The following HSD17B2 variants were observed in gnomAD, a reference collection of about 807,000 sequenced individuals.
HSD17B2 encodes the protein 17-beta-hydroxysteroid dehydrogenase type 2.
A neutral mutation model predicts 26.9 loss-of-function variants in HSD17B2; 32 were observed. The ratio of observed to expected loss-of-function variants is 1.19; its 90% CI spans 0.90 to 1.60. The LOEUF is 1.60. Ranked by LOEUF, HSD17B2 falls within the 40% of genes most tolerant of loss-of-function variation. HSD17B2 has a pLI of 0.00. For missense variants in HSD17B2, 613 were observed against 468.6 expected (o/e 1.31, Z -2.85); for synonymous variants, 246 against 186.7 (o/e 1.32, Z -2.59).
intron 3 of HSD17B2, among the ~76,000 whole-genome samples, chr16:82,079,603 T>TG (rs1030573958): frequency 6.6e-6 from 1 of 152,032 alleles, no homozygotes; most frequent in Non-Finnish European, 1.5e-5. Flanking sequence ...TTCTGGGTGG[T>TG]GGGGGGAGCA....
chr16:82,044,183 G>A (rs1432599156), intron 1 of HSD17B2, among the ~76,000 whole-genome samples: 1 of 152,152 alleles, frequency 6.6e-6, no homozygotes, highest in African/African-American at 2.4e-5. Context: ...CTTGGTATGA[G>A]CAACACAAAC....
intron 1 of HSD17B2, among the ~76,000 whole-genome samples, chr16:82,045,667 C>A (rs565115994): frequency 6.6e-6 from 1 of 152,346 alleles, no homozygotes; most frequent in South Asian, 2.1e-4. Flanking sequence ...TTCTTTTGCA[C>A]TCTGACTGTT....
chr16:82,082,331 T>C (rs900283455), intron 3 of HSD17B2, among the ~76,000 whole-genome samples: 5 of 152,110 alleles, frequency 3.3e-5, no homozygotes, highest in African/African-American at 1.2e-4. Flanking sequence ...AATGTACACA[T>C]TGCTTAAAAG....
At chr16:82,063,061 C>T (rs1220174427) in intron 1 of HSD17B2, 1 of 152,196 alleles carries the variant, frequency 6.6e-6, no homozygotes, top group Non-Finnish European at 1.5e-5. Flanking sequence ...CTGCCCATGC[C>T]AGTCTAGGAG....
intron 3 of HSD17B2, among the ~76,000 whole-genome samples, chr16:82,075,589 T>C (rs1382312627): frequency 1.3e-5 from 2 of 152,076 alleles, no homozygotes; most frequent in East Asian, 3.9e-4. Context: ...TATGAGTAAC[T>C]AAGTATATAC....
intron 1 of HSD17B2, 29 bp from the exon 2 acceptor site, chr16:82,068,141 T>A: frequency 1.1e-5 from 18 of 1,596,490 alleles, no homozygotes; most frequent in Non-Finnish European, 1.5e-5. Flanking sequence ...TGGTTTGACC[T>A]CACTCCCTAC....
intron 3 of HSD17B2, among the ~76,000 whole-genome samples, chr16:82,086,031 T>C (rs1191399096): frequency 6.6e-6 from 1 of 152,014 alleles, no homozygotes; most frequent in African/African-American, 2.4e-5. Context: ...CTGGTAGAAA[T>C]ATAAAATGGT....
chr16:82,062,518 G>C (rs542706561), intron 1 of HSD17B2, among the ~76,000 whole-genome samples: 1 of 152,294 alleles, frequency 6.6e-6, no homozygotes, highest in African/African-American at 2.4e-5. Flanking sequence ...TGGAGGATTT[G>C]AATATTTTAT....
At chr16:82,072,465 T>C (rs1914719364) in intron 3 of HSD17B2, among the ~76,000 whole-genome samples, 1 of 152,224 alleles carries the variant, frequency 6.6e-6, no homozygotes, top group Non-Finnish European at 1.5e-5. Flanking sequence ...CTGGTACTTC[T>C]GGGAACGTCT....
Position 82,098,306 on chromosome 16 carries a change from A to G in HSD17B2, c.1034A>G (p.Tyr345Cys). 2 of 1,614,190 alleles carry G rather than the reference A, an allele frequency of 1.2e-6. No homozygotes were observed. The highest frequency in any genetic ancestry group is 1.7e-6 in the Non-Finnish European group (2 of 1,180,018). Residue 345 changes from tyrosine to cysteine, a missense_variant, in exon 5 of 5, where the codon TAC (tyrosine) becomes TGC (cysteine). Tyr to Cys is a radical substitution (Grantham distance 194). Coordinates refer to ENST00000199936, the MANE Select transcript of HSD17B2 (RefSeq NM_002153.3). ...TATTACACGCCAGGGAAAGGCGCTT[A>G]CTTGTGGATCTGCCTTGCTCACTAT... Reference protein sequence around the residue: ...FAYYTPGKGAYLWICLAHYLP... With the variant: ...FAYYTPGKGACLWICLAHYLP...
chr16:82,054,214 A>G (rs1914196372), intron 1 of HSD17B2, among the ~76,000 whole-genome samples: 1 of 151,962 alleles, frequency 6.6e-6, no homozygotes, highest in African/African-American at 2.4e-5. Flanking sequence ...TATCGAAAAA[A>G]AAAAAAAAAG....
chr16:82,070,345 C>T (rs1408775741), intron 2 of HSD17B2, among the ~76,000 whole-genome samples: 1 of 152,202 alleles, frequency 6.6e-6, no homozygotes, highest in Non-Finnish European at 1.5e-5. Flanking sequence ...CTTCCTACCA[C>T]TGCATAGCAC....
intron 2 of HSD17B2, among the ~76,000 whole-genome samples, chr16:82,070,095 C>T (rs1284518836): frequency 2.0e-5 from 3 of 152,184 alleles, no homozygotes; most frequent in Non-Finnish European, 4.4e-5. Flanking sequence ...GACATCTTCC[C>T]TTATACTCCA....
At chr16:82,052,295 CTT>C (rs1914132041) in intron 1 of HSD17B2, 1 of 152,182 alleles carries the variant, frequency 6.6e-6, no homozygotes. Context: ...CCTCTTACCT[CTT>C]TTTCTGTTTT....
chr16:82,071,045 T>A lies in HSD17B2; in HGVS notation c.582T>A (p.Phe194Leu). Residue 194 changes from phenylalanine to leucine, a missense_variant, in exon 3 of 5, where the codon TTT becomes TTA. Coordinates refer to ENST00000199936, the MANE Select transcript of HSD17B2 (RefSeq NM_002153.3). ...AACAATGCATGGCCGTGAACTTCTT[T>A]GGAACTGTGGAGGTCACAAAGACGT... ...DYKQCMAVNFFGTVEVTKTFL... is the reference protein window; with the variant it reads ...DYKQCMAVNFLGTVEVTKTFL... The A allele has an allele frequency of 3.7e-6, 6 of 1,614,236 alleles. No individual in the cohort carries two copies. The highest frequency in any genetic ancestry group is 5.1e-6 in the Non-Finnish European group (6 of 1,180,042).
chr16:82,067,343 A>C (rs1329706617), intron 1 of HSD17B2, among the ~76,000 whole-genome samples: 1 of 152,234 alleles, frequency 6.6e-6, no homozygotes, highest in Non-Finnish European at 1.5e-5. Flanking sequence ...ATGTAGCTCA[A>C]AGGGTGATTT....
chr16:82,036,499 TAAAA>T (rs113969751), intron 1 of HSD17B2, among the ~76,000 whole-genome samples: 1 of 148,664 alleles, frequency 6.7e-6, no homozygotes, highest in Non-Finnish European at 1.5e-5. Flanking sequence ...CCCTACCAAA[TAAAA>T]AAAAAATCAG....
Position 82,039,819 on chromosome 16 carries a change from A to G in HSD17B2, c.265+4130A>G, listed in dbSNP as rs560534369. On this transcript the variant is annotated intron_variant, in intron 1 of 4. Coordinates refer to ENST00000199936, the MANE Select transcript of HSD17B2 (RefSeq NM_002153.3). ...TACAGAGCAGACACCTCAGGGCTTC[A>G]TGGACCACTGGGGAAGACACGGCCA... is the stretch of plus-strand genomic sequence containing the variant. Among the ~76,000 whole-genome samples, 15 of 152,266 alleles carry G rather than the reference A, an allele frequency of 9.9e-5. No homozygotes were observed. The South Asian group carries it at 2.7e-3, about 27-fold the overall frequency.
chr16:82,056,967 A>G (rs560228606), intron 1 of HSD17B2, among the ~76,000 whole-genome samples: 1 of 152,328 alleles, frequency 6.6e-6, no homozygotes, highest in African/African-American at 2.4e-5. Flanking sequence ...ATGGGAGCCA[A>G]TTGGAAGCTC....
Sources: gnomAD v4.1 joint callset for allele counts (sites outside exome capture counted in the v4.1 genomes callset) on GRCh38, gnomAD v4.1.1 for gene constraint, MANE v1.5 for transcripts, NCBI Gene and HGNC (gene_info 2026-07-23, HGNC 2026-07-21) for gene names.